The following SPAG1 variants were observed in gnomAD, a reference collection of about 807,000 sequenced individuals.
The protein encoded by SPAG1 is sperm-associated antigen 1.
A neutral mutation model predicts 100.5 loss-of-function variants in SPAG1; 69 were observed. The ratio of observed to expected loss-of-function variants is 0.69; its 90% CI spans 0.57 to 0.84. The LOEUF is 0.84. Ranked by LOEUF, SPAG1 falls within the 40% of genes least tolerant of loss-of-function variation. The pLI, the probability that SPAG1 is intolerant of heterozygous loss-of-function variation, is 0.00. For synonymous variants in SPAG1, 336 were observed against 411.6 expected (o/e 0.82, Z 2.22); for missense variants, 955 against 1,133.1 (o/e 0.84, Z 2.26).
At chr8:100,207,994 C>A (rs991272995) in intron 10 of SPAG1, among the ~76,000 whole-genome samples, 1 of 152,230 alleles carries the variant, frequency 6.6e-6, no homozygotes, top group African/African-American at 2.4e-5. Context: ...CTCTTCCCCC[C>A]ATAGCCAGGA....
intron 10 of SPAG1, among the ~76,000 whole-genome samples, chr8:100,195,270 G>A (rs980202074): frequency 6.6e-6 from 1 of 152,018 alleles, no homozygotes; most frequent in Non-Finnish European, 1.5e-5. Flanking sequence ...TATCAATTTT[G>A]AAAATCATTC....
chr8:100,204,652 T>C (rs563777667), intron 10 of SPAG1, among the ~76,000 whole-genome samples: 1 of 152,266 alleles, frequency 6.6e-6, no homozygotes, highest in Admixed American at 6.5e-5. Flanking sequence ...CTTAGGGAGA[T>C]TGGGATGGTG....
chr8:100,205,156 T>G (rs1817453208), intron 10 of SPAG1, among the ~76,000 whole-genome samples: 1 of 152,196 alleles, frequency 6.6e-6, no homozygotes, highest in African/African-American at 2.4e-5. Flanking sequence ...TTTCCAGACT[T>G]GAGCCAGTTT....
At chr8:100,167,796 G>A (rs1311923319) in intron 3 of SPAG1, among the ~76,000 whole-genome samples, 1 of 152,158 alleles carries the variant, frequency 6.6e-6, no homozygotes, top group Admixed American at 6.5e-5. Context: ...ACCACTAAAA[G>A]TTTTCTCTTG....
At chr8:100,190,663 C>CTTTTTTTTTTTT (rs758612610) in intron 8 of SPAG1, among the ~76,000 whole-genome samples, 3 of 111,806 alleles carry the variant, frequency 2.7e-5, no homozygotes, top group East Asian at 2.7e-4. Flanking sequence ...CTTTTTTTTT[C>CTTTTTTTTTTTT]TTTTTTTTTT....
intron 15 of SPAG1, 32 bp downstream of exon 15, chr8:100,231,320 T>C: frequency 7.4e-7 from 1 of 1,353,872 alleles, no homozygotes; most frequent in African/African-American, 1.5e-5. Context: ...ATATTTCTTA[T>C]GTTAATAGTT....
intron 9 of SPAG1, among the ~76,000 whole-genome samples, chr8:100,193,680 G>A (rs141723064): frequency 4.2e-4 from 64 of 152,206 alleles, no homozygotes; most frequent in Non-Finnish European, 6.2e-4. Flanking sequence ...ACTTCAGGAG[G>A]CTGAGGTGAG....
intron 12 of SPAG1, among the ~76,000 whole-genome samples, chr8:100,216,415 C>T (rs1817988327): frequency 6.6e-6 from 1 of 152,170 alleles, no homozygotes; most frequent in South Asian, 2.1e-4. Context: ...AGGTGATTAA[C>T]ATTTACTGGC....
chr8:100,178,916 A>T (rs779249984), intron 4 of SPAG1, among the ~76,000 whole-genome samples: 1 of 151,944 alleles, frequency 6.6e-6, no homozygotes, highest in Non-Finnish European at 1.5e-5. Flanking sequence ...AACATGGTGA[A>T]ACCCCATCTC....
rs183373132 is a variant in SPAG1 at position 100,205,788 on chromosome 8, G to A, written c.1097-7302G>A. On this transcript the variant is annotated intron_variant, in intron 10 of 18. Transcript: ENST00000388798. Reference sequence around the variant, plus strand: ...TCCCAGCACTTTGGGAGGCCGAGGCGGGCAGATCACGAGGTCAAGAGATCG... The same window carrying A: ...TCCCAGCACTTTGGGAGGCCGAGGCAGGCAGATCACGAGGTCAAGAGATCG... 5.2e-3 allele frequency among the ~76,000 whole-genome samples: 785 copies of A among 151,960 alleles called. 9 individuals are homozygous for A. The highest frequency in any genetic ancestry group is 0.018 in the African/African-American group (732 of 41,440).
intron 12 of SPAG1, among the ~76,000 whole-genome samples, chr8:100,217,399 G>A (rs77173284): frequency 0.037 from 5,616 of 152,204 alleles, 303 homozygotes; most frequent in African/African-American, 0.11. Flanking sequence ...TCTTACCTCT[G>A]AGGAGCATTG....
intron 3 of SPAG1, among the ~76,000 whole-genome samples, chr8:100,177,424 T>C (rs1816178161): frequency 6.8e-6 from 1 of 147,860 alleles, no homozygotes; most frequent in Admixed American, 6.7e-5. Context: ...CTTCATGTCT[T>C]TTTTTTTTTA....
intron 4 of SPAG1, among the ~76,000 whole-genome samples, chr8:100,178,420 C>T (rs1367206527): frequency 6.6e-6 from 1 of 151,622 alleles, no homozygotes; most frequent in Non-Finnish European, 1.5e-5. Flanking sequence ...CCTCTTATTC[C>T]CATTTCTCTG....
chr8:100,222,607 G>C (rs1818333473), intron 13 of SPAG1, among the ~76,000 whole-genome samples: 1 of 152,174 alleles, frequency 6.6e-6, no homozygotes, highest in Non-Finnish European at 1.5e-5. Flanking sequence ...GAAATGGAAA[G>C]TGGGGAGACA....
At chr8:100,197,732 T>TC (rs910033710) in intron 10 of SPAG1, among the ~76,000 whole-genome samples, 1 of 152,204 alleles carries the variant, frequency 6.6e-6, no homozygotes, top group Admixed American at 6.5e-5. Context: ...GGTAATGCTG[T>TC]CCCTTTATGA....
intron 10 of SPAG1, among the ~76,000 whole-genome samples, chr8:100,206,321 G>A (rs527676566): frequency 3.0e-4 from 45 of 152,292 alleles, no homozygotes; most frequent in Middle Eastern, 6.8e-3. Flanking sequence ...GCAATCTGCC[G>A]TCAGCTGGCA....
chr8:100,238,585 A>G (rs1586565056), intron 16 of SPAG1, among the ~76,000 whole-genome samples: 1 of 152,216 alleles, frequency 6.6e-6, no homozygotes. Context: ...TGCTAGATTC[A>G]GTGGTCATGT....
At chr8:100,204,807 GACCT>G (rs1817437993) in intron 10 of SPAG1, among the ~76,000 whole-genome samples, 1 of 152,176 alleles carries the variant, frequency 6.6e-6, no homozygotes. Flanking sequence ...CTGTATGTCA[GACCT>G]AACAGTGGCA....
intron 3 of SPAG1, among the ~76,000 whole-genome samples, chr8:100,172,117 G>A (rs1472140202): frequency 1.3e-5 from 2 of 151,978 alleles, no homozygotes; most frequent in African/African-American, 4.8e-5. Flanking sequence ...GTTCTGTACT[G>A]TATATTGTAA....
Sources: allele counts gnomAD v4.1 joint callset (sites outside exome capture counted in the v4.1 genomes callset), GRCh38; gene constraint gnomAD v4.1.1; transcripts MANE v1.5; gene names NCBI Gene and HGNC (gene_info 2026-07-23, HGNC 2026-07-21).